The following RBFOX1 variants were observed in gnomAD, a reference collection of about 807,000 sequenced individuals.
RBFOX1 encodes the protein RNA binding protein fox-1 homolog 1.
In RBFOX1, 8 loss-of-function variants were observed where a neutral mutation model predicts 57.7. The ratio of observed to expected loss-of-function variants is 0.14; its 90% CI spans 0.08 to 0.25. The LOEUF (loss-of-function observed/expected upper bound fraction) is 0.25, where lower values mean the gene tolerates loss of function less well. Among genes scored for constraint, RBFOX1 ranks in the 10% least tolerant of loss-of-function variants. RBFOX1 has a pLI of 1.00. For missense variants in RBFOX1, 611 were observed against 548.5 expected, an observed-to-expected ratio of 1.11 and a Z score of -1.14; for synonymous variants, 326 against 222.4, an observed-to-expected ratio of 1.47 and a Z score of -4.15.
chr16:5,890,800 A>T (rs1002169235), intron 4 of RBFOX1, among the ~76,000 whole-genome samples: 2 of 151,480 alleles, frequency 1.3e-5, no homozygotes, highest in African/African-American at 4.8e-5. Context: ...ATTGCCATTT[A>T]GGATGACTAA....
intron 2 of RBFOX1, among the ~76,000 whole-genome samples, chr16:6,434,957 T>C (rs566491632): frequency 1.9e-4 from 29 of 152,344 alleles, no homozygotes; most frequent in Middle Eastern, 3.4e-3. Flanking sequence ...TGCTGGAAGA[T>C]ATGTACATAT....
chr16:5,308,583 T>A (rs2063999529), intron 1 of RBFOX1, among the ~76,000 whole-genome samples: 1 of 152,146 alleles, frequency 6.6e-6, no homozygotes, highest in Admixed American at 6.5e-5. Context: ...CCTCAACAAA[T>A]TGTTATTTTG....
chr16:7,154,992 T>A (rs1209470890), intron 4 of RBFOX1, among the ~76,000 whole-genome samples: 2 of 152,218 alleles, frequency 1.3e-5, no homozygotes, highest in East Asian at 3.9e-4. Context: ...TTGACTTGAA[T>A]TAGGTAGATT....
intron 2 of RBFOX1, among the ~76,000 whole-genome samples, chr16:5,520,821 A>G (rs2043983208): frequency 6.6e-6 from 1 of 152,172 alleles, no homozygotes; most frequent in Admixed American, 6.5e-5. Context: ...AGAAGTCTAA[A>G]TGCAGTTATG....
At chr16:6,297,691 A>G (rs1340123409) in intron 1 of RBFOX1, among the ~76,000 whole-genome samples, 1 of 152,084 alleles carries the variant, frequency 6.6e-6, no homozygotes, top group Non-Finnish European at 1.5e-5. Context: ...CTATACCCAT[A>G]TAAACCCCAA....
intron 1 of RBFOX1, among the ~76,000 whole-genome samples, chr16:5,253,988 A>G (rs2062521302): frequency 7.6e-6 from 1 of 132,042 alleles, no homozygotes; most frequent in Non-Finnish European, 1.7e-5. Context: ...TCTGTGGTAG[A>G]CACTAGCTCA....
chr16:5,257,785 T>A (rs1270021088), intron 1 of RBFOX1, among the ~76,000 whole-genome samples: 1 of 152,160 alleles, frequency 6.6e-6, no homozygotes, highest in Non-Finnish European at 1.5e-5. Flanking sequence ...GTACTTTGTC[T>A]CGACTTCCTC....
chr16:7,090,612 A>G (rs781636666), intron 4 of RBFOX1, among the ~76,000 whole-genome samples: 4 of 152,160 alleles, frequency 2.6e-5, no homozygotes, highest in Non-Finnish European at 4.4e-5. Context: ...AGGTTTTCCT[A>G]TCAAAAATAA....
chr16:7,638,693 T>C (rs12600141), intron 11 of RBFOX1, among the ~76,000 whole-genome samples: 102,993 of 152,130 alleles, frequency 0.68, 37,037 homozygotes, highest in East Asian at 0.97. Flanking sequence ...ACTCTTGTTA[T>C]AGCTTGAAAG....
At chr16:6,696,853 G>T (rs968853301) in intron 3 of RBFOX1, among the ~76,000 whole-genome samples, 4 of 152,194 alleles carry the variant, frequency 2.6e-5, no homozygotes, top group African/African-American at 4.8e-5. Context: ...GTGCTCTACT[G>T]AGAAATAGTA....
At chr16:6,290,829 C>T (rs550210187) in intron 1 of RBFOX1, among the ~76,000 whole-genome samples, 1 of 152,048 alleles carries the variant, frequency 6.6e-6, no homozygotes, top group Non-Finnish European at 1.5e-5. Context: ...AAATCCAGAC[C>T]CCTAGAGAGT....
intron 3 of RBFOX1, among the ~76,000 whole-genome samples, chr16:6,904,628 AGAAG>A (rs1270408098): frequency 5.9e-5 from 8 of 134,882 alleles, no homozygotes; most frequent in African/African-American, 1.4e-4. Context: ...AAAAAAAAAA[AGAAG>A]AAGAAGAAAG....
chr16:7,288,973 A>C (rs929067443), intron 4 of RBFOX1, among the ~76,000 whole-genome samples: 1 of 152,210 alleles, frequency 6.6e-6, no homozygotes, highest in Admixed American at 6.5e-5. Flanking sequence ...AAAGAAAGTG[A>C]CAGCCTGCTG....
intron 3 of RBFOX1, among the ~76,000 whole-genome samples, chr16:5,831,355 C>T (rs369596028): frequency 6.6e-6 from 1 of 152,136 alleles, no homozygotes; most frequent in Admixed American, 6.5e-5. Context: ...GGCCATGGGA[C>T]CTGCCTGTTC....
intron 2 of RBFOX1, among the ~76,000 whole-genome samples, chr16:6,575,821 C>A (rs2097425609): frequency 2.0e-5 from 3 of 151,162 alleles, no homozygotes; most frequent in Non-Finnish European, 4.4e-5. Context: ...CACAGCACTG[C>A]ACTCTAGTCT....
chr16:6,987,161 A>G (rs764335702), intron 3 of RBFOX1, among the ~76,000 whole-genome samples: 1 of 152,090 alleles, frequency 6.6e-6, no homozygotes, highest in Non-Finnish European at 1.5e-5. Flanking sequence ...AGAGAGCAGC[A>G]TTTTGATAGA....
chr16:6,928,242 C>G (rs772971101), intron 3 of RBFOX1, among the ~76,000 whole-genome samples: 81 of 152,254 alleles, frequency 5.3e-4, no homozygotes, highest in African/African-American at 1.8e-3. Flanking sequence ...TTTAATTGGT[C>G]TGAGGATCCC....
intron 8 of RBFOX1, among the ~76,000 whole-genome samples, chr16:7,596,105 T>A (rs1283429721): frequency 9.1e-6 from 1 of 109,740 alleles, no homozygotes; most frequent in Non-Finnish European, 1.7e-5. Context: ...TTTTTTTTTG[T>A]TTGTTTGTTT....
chr16:7,004,685 A>G (rs746361795), intron 3 of RBFOX1, among the ~76,000 whole-genome samples: 1 of 152,258 alleles, frequency 6.6e-6, no homozygotes, highest in Non-Finnish European at 1.5e-5. Context: ...GAAAATATAC[A>G]AAAGCCACAT....
Sources: gnomAD v4.1 joint callset for allele counts (sites outside exome capture counted in the v4.1 genomes callset) on GRCh38, gnomAD v4.1.1 for gene constraint, MANE v1.5 for transcripts, NCBI Gene and HGNC (gene_info 2026-07-23, HGNC 2026-07-21) for gene names.